The following YBX3 variants were observed in gnomAD, a reference collection of about 807,000 sequenced individuals.
The protein encoded by YBX3 is Y-box binding protein 3.
YBX3 carries 29 observed loss-of-function variants against 42.4 expected under a neutral mutation model. The ratio of observed to expected loss-of-function variants is 0.68; its 90% CI spans 0.51 to 0.93. The LOEUF (loss-of-function observed/expected upper bound fraction) is 0.93, where lower values mean the gene tolerates loss of function less well. Among genes scored for constraint, YBX3 ranks in the 40% least tolerant of loss-of-function variants. The pLI, the probability that YBX3 is intolerant of heterozygous loss-of-function variation, is 0.00. For synonymous variants in YBX3, 195 were observed against 189.8 expected (o/e 1.03, Z -0.22); for missense variants, 517 against 527.5 (o/e 0.98, Z 0.19).
At chr12:10,710,925 A>G (rs1309991170) in intron 5 of YBX3, 2 of 159,752 alleles carry the variant, frequency 1.3e-5, no homozygotes, top group African/African-American at 4.8e-5. Context: ...TATAATATTA[A>G]TATAAATAAA....
chr12:10,722,617 C>T lies in YBX3; in HGVS notation c.262+233G>A, dbSNP rs375266641. ...CTGGCCCGGAACCAGAAGGGAGATG[C>T]ACACGGCCGCCAGGAGCGCAGGGCG... On this transcript the variant is annotated intron_variant, in intron 1 of 9. Coordinates refer to ENST00000228251, the MANE Select transcript of YBX3 (RefSeq NM_003651.5). 4.7e-4 allele frequency among the ~76,000 whole-genome samples: 71 copies of T among 152,366 alleles called. 1 individual carries two copies. The South Asian group carries it at 0.012, about 26-fold the overall frequency.
At chr12:10,713,097 T>C (rs375226020) in intron 5 of YBX3, 114 bp downstream of exon 5, 1 of 1,261,292 alleles carries the variant, frequency 7.9e-7, no homozygotes, top group African/African-American at 1.5e-5. Context: ...TAAAAATCAC[T>C]TAAATCATTT....
At chr12:10,703,641 T>G in intron 7 of YBX3, 1 of 388,226 alleles carries the variant, frequency 2.6e-6, no homozygotes, top group Non-Finnish European at 5.1e-6. Flanking sequence ...GAAGATAAAT[T>G]CAGGCGATTT....
intron 2 of YBX3, 119 bp downstream of exon 2, chr12:10,718,961 C>T (rs1388237796): frequency 1.3e-5 from 10 of 789,158 alleles, no homozygotes; most frequent in Non-Finnish European, 1.8e-5. Flanking sequence ...AGAATATTTA[C>T]AGTGCTTAGA....
chr12:10,717,029 C>G (rs181432947), intron 3 of YBX3, among the ~76,000 whole-genome samples: 1 of 152,284 alleles, frequency 6.6e-6, no homozygotes, highest in African/African-American at 2.4e-5. Context: ...CTATTAACCT[C>G]AAACCTCCAA....
intron 6 of YBX3, among the ~76,000 whole-genome samples, chr12:10,704,637 C>T (rs1344646874): frequency 7.5e-6 from 1 of 133,872 alleles, no homozygotes; most frequent in Non-Finnish European, 1.8e-5. Context: ...ATCCCTTCCT[C>T]CCCCTAAGAG....
chr12:10,710,984 G>A (rs1255962066), intron 5 of YBX3: 8 of 154,066 alleles, frequency 5.2e-5, no homozygotes, highest in Non-Finnish European at 1.1e-4. Context: ...CATATAAACA[G>A]ATCCCAAAAT....
intron 3 of YBX3, among the ~76,000 whole-genome samples, chr12:10,716,344 C>G (rs1591582181): frequency 6.6e-6 from 1 of 152,158 alleles, no homozygotes; most frequent in African/African-American, 2.4e-5. Context: ...ACCGTAACAG[C>G]CCCAGGGATG....
chr12:10,716,387 C>T (rs944179406), intron 3 of YBX3, among the ~76,000 whole-genome samples: 2 of 152,114 alleles, frequency 1.3e-5, no homozygotes, highest in African/African-American at 2.4e-5. Flanking sequence ...AATTCATATC[C>T]CTGTACTCTA....
chr12:10,710,176 C>A, intron 5 of YBX3, 62 bp from the exon 6 acceptor site: 1 of 1,567,940 alleles, frequency 6.4e-7, no homozygotes, highest in Non-Finnish European at 8.6e-7. Flanking sequence ...CCAAAGAACA[C>A]CATTTAGGAT....
At chr12:10,705,706 T>G (rs965311015) in intron 6 of YBX3, among the ~76,000 whole-genome samples, 1 of 152,262 alleles carries the variant, frequency 6.6e-6, no homozygotes, top group Admixed American at 6.5e-5. Context: ...ACAAAGTGCA[T>G]AAATATACTA....
intron 4 of YBX3, among the ~76,000 whole-genome samples, chr12:10,715,376 T>A (rs1948248852): frequency 6.6e-6 from 1 of 151,708 alleles, no homozygotes; most frequent in African/African-American, 2.4e-5. Flanking sequence ...TGAAACCCCG[T>A]CTCTACTAAA....
rs1948350557 is a variant in YBX3 at position 10,722,989 on chromosome 12, G to A, written c.123C>T (p.Pro41=). 4.1e-6 allele frequency: 5 copies of A among 1,220,760 alleles called. No individual in the cohort carries two copies. In the East Asian group the frequency reaches 1.7e-4, roughly 42 times the overall value. 75.6% of individuals were successfully genotyped at this position (1,220,760 alleles called of 1,614,324 possible). Residue 41 remains proline (P), a synonymous_variant, in exon 1 of 10, where the codon CCC becomes CCT. Coordinates refer to ENST00000228251, the MANE Select transcript of YBX3 (RefSeq NM_003651.5). ...APKSPVGSGA[P]QAAAPAPAAH... Reference sequence around the variant, plus strand: ...CGGCGGGCGCCGGGGCCGCGGCCTGGGGCGCACCGCTGCCCACCGGGCTCT... The same window carrying A: ...CGGCGGGCGCCGGGGCCGCGGCCTGAGGCGCACCGCTGCCCACCGGGCTCT...
intron 7 of YBX3, chr12:10,703,203 A>G (rs553639909): frequency 7.2e-5 from 11 of 152,264 alleles, no homozygotes; most frequent in African/African-American, 2.2e-4. Context: ...TCCTTTCCCA[A>G]TATAATATAC....
chr12:10,718,183 C>A lies in YBX3; in HGVS notation c.327-62G>T, dbSNP rs1056471246. On this transcript the variant is annotated intron_variant, in intron 2 of 9. Coordinates refer to ENST00000228251, the MANE Select transcript of YBX3 (RefSeq NM_003651.5). ...ACGTATGTGGAAAAACTTAAAAGAA[C>A]CTATGTGTTATGAATTTAACTCCCA... The A allele has an allele frequency of 8.0e-6, 12 of 1,498,918 alleles. No homozygotes were observed. In the Admixed American group the frequency reaches 9.2e-5, roughly 11 times the overall value. 92.9% of individuals were successfully genotyped at this position (1,498,918 alleles called of 1,614,324 possible). A position where few individuals can be genotyped will look rare whatever the true frequency, so the allele number is the denominator to read the frequency against.
chr12:10,722,560 G>A (rs974271825), intron 1 of YBX3, among the ~76,000 whole-genome samples: 2 of 152,220 alleles, frequency 1.3e-5, no homozygotes, highest in African/African-American at 2.4e-5. Context: ...AACAGTGCCC[G>A]TCTGGGAGAC....
At chr12:10,709,637 T>G (rs1221118613) in intron 6 of YBX3, among the ~76,000 whole-genome samples, 1 of 152,238 alleles carries the variant, frequency 6.6e-6, no homozygotes, top group Non-Finnish European at 1.5e-5. Context: ...CCTGTCTTGT[T>G]ACCTTAATTC....
chr12:10,714,700 A>T (rs1948239715), intron 4 of YBX3, among the ~76,000 whole-genome samples: 1 of 152,076 alleles, frequency 6.6e-6, no homozygotes, highest in African/African-American at 2.4e-5. Context: ...AGTGCTTACA[A>T]GTCAGCCTGA....
At chr12:10,703,523 C>G (rs1443331937) in intron 7 of YBX3, 4 of 419,750 alleles carry the variant, frequency 9.5e-6, no homozygotes, top group Non-Finnish European at 1.9e-5. Flanking sequence ...GCATTAGTAC[C>G]TTTAATCCCC....
Sources: allele counts gnomAD v4.1 joint callset (sites outside exome capture counted in the v4.1 genomes callset), GRCh38; gene constraint gnomAD v4.1.1; transcripts MANE v1.5; gene names NCBI Gene and HGNC (gene_info 2026-07-23, HGNC 2026-07-21).